The following GYG1 variants were observed in gnomAD, a reference collection of about 807,000 sequenced individuals.
The protein encoded by GYG1 is glycogenin 1.
A neutral mutation model predicts 41.9 loss-of-function variants in GYG1; 44 were observed. The ratio of observed to expected loss-of-function variants is 1.05; its 90% CI spans 0.83 to 1.35. The LOEUF is 1.35. Ranked by LOEUF, GYG1 falls within the 40% of genes most tolerant of loss-of-function variation. The probability of loss-of-function intolerance (pLI) is 0.00; values close to 1 mark genes in which losing one functional copy is unlikely to be tolerated. For missense variants in GYG1, 429 were observed against 418.9 expected (o/e 1.02, Z -0.21); for synonymous variants, 141 against 158.1 (o/e 0.89, Z 0.81).
chr3:148,998,441 A>G (rs987757315), intron 4 of GYG1, among the ~76,000 whole-genome samples: 1 of 152,148 alleles, frequency 6.6e-6, no homozygotes, highest in Non-Finnish European at 1.5e-5. Flanking sequence ...CCTACAATGC[A>G]CAAGACGATT....
intron 5 of GYG1, among the ~76,000 whole-genome samples, chr3:149,020,565 C>T (rs752269516): frequency 1.6e-4 from 25 of 152,228 alleles, no homozygotes; most frequent in Non-Finnish European, 1.8e-4. Context: ...CAAGCAAACA[C>T]TAACCAATGC....
At chr3:149,024,296 G>T (rs1472674606) in intron 6 of GYG1, 24 bp downstream of exon 6, 2 of 1,366,504 alleles carry the variant, frequency 1.5e-6, no homozygotes, top group East Asian at 2.3e-5. Flanking sequence ...CTTTTCTTCA[G>T]ATCATTTAAT....
At chr3:149,003,279 C>T (rs1442216494) in intron 4 of GYG1, among the ~76,000 whole-genome samples, 1 of 151,884 alleles carries the variant, frequency 6.6e-6, no homozygotes, top group Non-Finnish European at 1.5e-5. Context: ...CCATGCGCAG[C>T]TAATTTTTGT....
rs142942543 is a variant in GYG1 at position 149,008,477 on chromosome 3, G to A, written c.482-799G>A. On this transcript the variant is annotated intron_variant, in intron 4 of 7. Coordinates refer to ENST00000345003, the MANE Select transcript of GYG1 (RefSeq NM_004130.4). ...TGTTCTGCCTGGGACACGGTCCCCC[G>A]TCTTTCCCCCATCGGCATTTTTCAG... Among the ~76,000 whole-genome samples, 549 of 152,286 alleles carry A rather than the reference G, an allele frequency of 3.6e-3. 5 individuals carry two copies. Among genetic ancestry groups the A allele is most frequent in the Admixed American group, 4.8e-3 (74 of 15,294 alleles).
At chr3:149,007,514 A>G (rs370807328) in intron 4 of GYG1, among the ~76,000 whole-genome samples, 2 of 152,234 alleles carry the variant, frequency 1.3e-5, no homozygotes, top group African/African-American at 4.8e-5. Flanking sequence ...GATTGAAGGT[A>G]TTTGGAAAGG....
At chr3:149,017,980 G>A (rs567200020) in intron 5 of GYG1, among the ~76,000 whole-genome samples, 1 of 152,184 alleles carries the variant, frequency 6.6e-6, no homozygotes, top group Admixed American at 6.5e-5. Context: ...TGGTGGGAGA[G>A]AGAAAACACT....
intron 4 of GYG1, among the ~76,000 whole-genome samples, chr3:148,998,033 AAT>A (rs1262084273): frequency 6.6e-6 from 1 of 152,272 alleles, no homozygotes; most frequent in Non-Finnish European, 1.5e-5. Flanking sequence ...AAGTTAAAAA[AAT>A]ATTAAACTTT....
At chr3:149,017,587 T>G (rs1714130487) in intron 5 of GYG1, among the ~76,000 whole-genome samples, 1 of 81,064 alleles carries the variant, frequency 1.2e-5, no homozygotes, top group Admixed American at 1.1e-4. Context: ...TTTAGGTTTT[T>G]TTTTTTTTTT....
chr3:149,017,578 T>TTAGG (rs1714121897), intron 5 of GYG1, among the ~76,000 whole-genome samples: 1 of 143,140 alleles, frequency 7.0e-6, no homozygotes, highest in Non-Finnish European at 1.5e-5. Flanking sequence ...TTTCTTTTAT[T>TTAGG]TAGGTTTTTT....
At chr3:148,995,134 C>T (rs755534776) in intron 2 of GYG1, among the ~76,000 whole-genome samples, 18 of 152,266 alleles carry the variant, frequency 1.2e-4, no homozygotes, top group African/African-American at 3.4e-4. Flanking sequence ...CGCTTGAACC[C>T]GGGAGGCAGA....
chr3:148,992,659 T>C (rs1312494988), intron 1 of GYG1: 2 of 152,254 alleles, frequency 1.3e-5, no homozygotes, highest in African/African-American at 4.8e-5. Context: ...TTGGTACAGA[T>C]TGACAGCGAT....
chr3:149,009,459 T>G, intron 5 of GYG1, 57 bp downstream of exon 5: 1 of 1,561,024 alleles, frequency 6.4e-7, no homozygotes, highest in Non-Finnish European at 8.8e-7. Flanking sequence ...AATTGGGGTG[T>G]ACAATTTTGG....
rs546208810 is a variant in GYG1, at chr3:148,991,971, G to A, written c.7+324G>A. ...GCAGCTGCGGCGGGGCCGTGTGGGG[G>A]TGGGGAGCCGGTTCCCCTGGGGGTT... On this transcript the variant is annotated intron_variant, in intron 1 of 7. Transcript: ENST00000345003. Among the ~76,000 whole-genome samples, 8 of 152,278 alleles carry A rather than the reference G, an allele frequency of 5.3e-5. No homozygotes were observed. The South Asian group carries it at 1.7e-3, about 32-fold the overall frequency.
chr3:148,995,960 C>G (rs1484449544), intron 2 of GYG1, among the ~76,000 whole-genome samples: 1 of 152,152 alleles, frequency 6.6e-6, no homozygotes, highest in Non-Finnish European at 1.5e-5. Flanking sequence ...TGAACAGAGC[C>G]CTTACACATT....
chr3:149,025,486 CCT>C (rs1467203582), intron 6 of GYG1, among the ~76,000 whole-genome samples: 4 of 152,196 alleles, frequency 2.6e-5, no homozygotes, highest in Admixed American at 2.6e-4. Context: ...GTTGGGGACC[CCT>C]GTCATACAGT....
chr3:148,996,719 T>G (rs1234076846), intron 3 of GYG1, 23 bp from the exon 4 acceptor site: 1 of 1,607,354 alleles, frequency 6.2e-7, no homozygotes. Flanking sequence ...ATTTCTGTAA[T>G]GCTCTTTCTC....
At chr3:149,004,018 A>G (rs1713255603) in intron 4 of GYG1, 1 of 152,232 alleles carries the variant, frequency 6.6e-6, no homozygotes, top group Non-Finnish European at 1.5e-5. Context: ...CCTGCTCAGA[A>G]GACCTAGAAA....
Position 148,991,586 on chromosome 3 carries a change from T to A in GYG1, c.-55T>A. ...GGCCGCGCTCCCTCCCGGTGCCGGC[T>A]TCTCTGAGTCACCAACCTGAGGCTG... On this transcript the variant is annotated 5_prime_UTR_variant, in exon 1 of 8. Coordinates refer to ENST00000345003, the MANE Select transcript of GYG1 (RefSeq NM_004130.4). 6.5e-7 allele frequency: 1 copy of A among 1,547,600 alleles called. No homozygotes were observed. The highest frequency in any genetic ancestry group is 8.7e-7 in the Non-Finnish European group (1 of 1,154,736).
rs563304301 is a variant in GYG1, at chr3:149,021,892, C to T, written c.609-2161C>T. Among the ~76,000 whole-genome samples the T allele has an allele frequency of 3.9e-5, 6 of 152,150 alleles. 1 individual carries two copies. In the East Asian group the frequency reaches 7.7e-4, roughly 20 times the overall value. ...ATCTACTGAAATCTAACACTTGAGCCCAGTACCTGAGGTTCTGTCCCATTT... is the reference window on the plus strand; with the variant it reads ...ATCTACTGAAATCTAACACTTGAGCTCAGTACCTGAGGTTCTGTCCCATTT... On this transcript the variant is annotated intron_variant, in intron 5 of 7. Transcript: ENST00000345003.
Sources: gnomAD v4.1 joint callset for allele counts (sites outside exome capture counted in the v4.1 genomes callset) on GRCh38, gnomAD v4.1.1 for gene constraint, MANE v1.5 for transcripts, NCBI Gene and HGNC (gene_info 2026-07-23, HGNC 2026-07-21) for gene names.